RAP2A: variants seen among roughly 807,000 people sequenced by gnomAD.
RAP2A encodes ras-related protein Rap-2a.
In RAP2A, 5 loss-of-function variants were observed where a neutral mutation model predicts 15.1. The observed-to-expected ratio is 0.33, with a 90% CI of 0.17 to 0.70. The LOEUF is 0.70. Ranked by LOEUF, RAP2A falls within the 30% of genes least tolerant of loss-of-function variation. RAP2A has a pLI of 0.68. For synonymous variants in RAP2A, 110 were observed against 99.7 expected, an observed-to-expected ratio of 1.10 and a Z score of -0.62; for missense variants, 111 against 240.3, an observed-to-expected ratio of 0.46 and a Z score of 3.56.
At chr13:97,462,076 T>A (rs1314515910) in intron 1 of RAP2A, among the ~76,000 whole-genome samples, 1 of 146,448 alleles carries the variant, frequency 6.8e-6, no homozygotes, top group Non-Finnish European at 1.5e-5. Flanking sequence ...TTATATATTA[T>A]ATATATTGTA....
At chr13:97,438,937 G>C (rs1249824249) in intron 1 of RAP2A, among the ~76,000 whole-genome samples, 1 of 152,188 alleles carries the variant, frequency 6.6e-6, no homozygotes, top group Non-Finnish European at 1.5e-5. Flanking sequence ...CATAGATGGA[G>C]GAGATGATCT....
chr13:97,455,599 G>C (rs938151639), intron 1 of RAP2A, among the ~76,000 whole-genome samples: 5 of 151,434 alleles, frequency 3.3e-5, no homozygotes, highest in African/African-American at 1.2e-4. Flanking sequence ...TCCGATGTCA[G>C]TTCAATTTTC....
At chr13:97,443,316 C>T (rs781286781) in intron 1 of RAP2A, among the ~76,000 whole-genome samples, 3 of 152,178 alleles carry the variant, frequency 2.0e-5, no homozygotes, top group Non-Finnish European at 4.4e-5. Flanking sequence ...TGTGGAAATA[C>T]TATATTAATA....
At chr13:97,451,961 T>G (rs1270696008) in intron 1 of RAP2A, among the ~76,000 whole-genome samples, 1 of 151,372 alleles carries the variant, frequency 6.6e-6, no homozygotes, top group African/African-American at 2.4e-5. Context: ...TCAGGTCTTT[T>G]GTCCATTTTA....
intron 1 of RAP2A, among the ~76,000 whole-genome samples, chr13:97,458,850 G>T (rs1278248732): frequency 6.6e-6 from 1 of 151,548 alleles, no homozygotes. Flanking sequence ...CTGTCTCGGT[G>T]AGAAGCCCAT....
At chr13:97,460,010 T>C (rs1243693526) in intron 1 of RAP2A, among the ~76,000 whole-genome samples, 2 of 152,242 alleles carry the variant, frequency 1.3e-5, no homozygotes, top group African/African-American at 4.8e-5. Context: ...GTTTTCAGTA[T>C]AGCCTTCAGT....
At chr13:97,443,452 A>G (rs1243326241) in intron 1 of RAP2A, among the ~76,000 whole-genome samples, 1 of 152,194 alleles carries the variant, frequency 6.6e-6, no homozygotes. Context: ...CAGCGGCGCC[A>G]TCAGAGCTTA....
At chr13:97,445,381 C>T (rs2066675247) in intron 1 of RAP2A, among the ~76,000 whole-genome samples, 1 of 152,174 alleles carries the variant, frequency 6.6e-6, no homozygotes, top group African/African-American at 2.4e-5. Flanking sequence ...TAGCCACATA[C>T]ATACATACAT....
chr13:97,441,279 A>T (rs2066656562), intron 1 of RAP2A, among the ~76,000 whole-genome samples: 1 of 152,164 alleles, frequency 6.6e-6, no homozygotes, highest in Admixed American at 6.6e-5. Context: ...ACAATAAGGA[A>T]TAATTATACT....
At chr13:97,452,667 C>G (rs1328784168) in intron 1 of RAP2A, among the ~76,000 whole-genome samples, 1 of 150,712 alleles carries the variant, frequency 6.6e-6, no homozygotes, top group African/African-American at 2.5e-5. Flanking sequence ...CACACACACA[C>G]ACAACCAACG....
chr13:97,435,683 A>C (rs1178018789), intron 1 of RAP2A, among the ~76,000 whole-genome samples: 1 of 152,162 alleles, frequency 6.6e-6, no homozygotes, highest in East Asian at 1.9e-4. Flanking sequence ...AATTCACTGA[A>C]TATATTTTTC....
chr13:97,456,377 A>G (rs544332494), intron 1 of RAP2A, among the ~76,000 whole-genome samples: 2 of 150,876 alleles, frequency 1.3e-5, no homozygotes, highest in Non-Finnish European at 3.0e-5. Flanking sequence ...TACTTTTCAG[A>G]GTTCTTTGGT....
intron 1 of RAP2A, among the ~76,000 whole-genome samples, chr13:97,445,996 C>A (rs894001126): frequency 3.3e-5 from 5 of 152,184 alleles, no homozygotes; most frequent in Admixed American, 3.3e-4. Flanking sequence ...ATCAGCATAT[C>A]CTACTAAGTA....
chr13:97,434,926 C>T (rs1346729950), intron 1 of RAP2A, 142 bp downstream of exon 1: 1 of 1,252,890 alleles, frequency 8.0e-7, no homozygotes, highest in African/African-American at 1.5e-5. Flanking sequence ...CATTCTGCTC[C>T]TCCTCCTCAA....
In RAP2A at chr13:97,464,469, G is replaced by T; in HGVS notation, c.*27G>T. 3 of 1,605,066 alleles carry T rather than the reference G, an allele frequency of 1.9e-6. No individual in the cohort carries two copies. The highest frequency in any genetic ancestry group is 2.6e-6 in the Non-Finnish European group (3 of 1,171,934). On this transcript the variant is annotated 3_prime_UTR_variant, in exon 2 of 2. Coordinates refer to ENST00000245304, the MANE Select transcript of RAP2A (RefSeq NM_021033.7). ...ATCCAAATATGGCTGTCCTGGATGG[G>T]ATTTGCCCAATGTCGTAGGTGATAG...
At chr13:97,445,179 A>G (rs572594903) in intron 1 of RAP2A, among the ~76,000 whole-genome samples, 1 of 152,326 alleles carries the variant, frequency 6.6e-6, no homozygotes, top group South Asian at 2.1e-4. Context: ...TAGGGAGACA[A>G]GCATTCAGAC....
intron 1 of RAP2A, among the ~76,000 whole-genome samples, chr13:97,459,836 C>T (rs142451344): frequency 1.3e-5 from 2 of 152,312 alleles, no homozygotes; most frequent in East Asian, 1.9e-4. Flanking sequence ...TTGATGTCTG[C>T]GCCCTCTGCT....
chr13:97,469,017 C>A lies in RAP2A; in HGVS notation c.*4575C>A, dbSNP rs1337001041. On this transcript the variant is annotated 3_prime_UTR_variant, in exon 2 of 2. Coordinates refer to ENST00000245304, the MANE Select transcript of RAP2A (RefSeq NM_021033.7). ...CGTTTCTTAATTTAAAATATGTTGCCACATAAATACTAATAAAACATAGTT... is the reference window on the plus strand; with the variant it reads ...CGTTTCTTAATTTAAAATATGTTGCAACATAAATACTAATAAAACATAGTT... The A allele has an allele frequency of 6.6e-6, 1 of 152,130 alleles. No homozygotes were observed. The highest frequency in any genetic ancestry group is 1.5e-5 in the Non-Finnish European group (1 of 68,026). The allele number at this position is 152,130 out of a possible 1,614,324, so 9.4% of individuals were successfully genotyped here.
At chr13:97,458,340 C>T (rs544636861) in intron 1 of RAP2A, among the ~76,000 whole-genome samples, 3 of 152,234 alleles carry the variant, frequency 2.0e-5, no homozygotes, top group East Asian at 1.9e-4. Flanking sequence ...TCTTTAAATA[C>T]GCTACGATGC....
Sources: gnomAD v4.1 joint callset for allele counts (sites outside exome capture counted in the v4.1 genomes callset) on GRCh38, gnomAD v4.1.1 for gene constraint, MANE v1.5 for transcripts, NCBI Gene and HGNC (gene_info 2026-07-23, HGNC 2026-07-21) for gene names.